Variants in SCAF8 observed in about 807,000 individuals in gnomAD.
SCAF8 encodes SR-related and CTD-associated factor 8.
Under a neutral mutation model 140.5 loss-of-function variants are expected in SCAF8, and 23 were observed. The observed-to-expected ratio is 0.16, with a 90% confidence interval of 0.12 to 0.23. SCAF8 has a LOEUF of 0.23. Among genes scored for constraint, SCAF8 ranks in the 10% least tolerant of loss-of-function variants. The pLI, the probability that SCAF8 is intolerant of heterozygous loss-of-function variation, is 1.00. For missense variants in SCAF8, 1,397 were observed against 1,555.7 expected, an observed-to-expected ratio of 0.90 and a Z score of 1.72; for synonymous variants, 575 against 528.9, an observed-to-expected ratio of 1.09 and a Z score of -1.20.
At chr6:154,830,662 T>G (rs1443731457) in intron 18 of SCAF8, among the ~76,000 whole-genome samples, 1 of 152,212 alleles carries the variant, frequency 6.6e-6, no homozygotes, top group East Asian at 1.9e-4. Flanking sequence ...TTACTAGAAT[T>G]TACTTTTTTT....
chr6:154,827,508 T>C (rs950420195), intron 18 of SCAF8, among the ~76,000 whole-genome samples: 2 of 152,190 alleles, frequency 1.3e-5, no homozygotes, highest in Admixed American at 6.5e-5. Context: ...GCTATGTGTA[T>C]TAAATGTCTT....
chr6:154,750,437 ATCC>A (rs1778810947), intron 1 of SCAF8, among the ~76,000 whole-genome samples: 1 of 151,934 alleles, frequency 6.6e-6, no homozygotes, highest in South Asian at 2.1e-4. Context: ...GAATCTTTTC[ATCC>A]TCAGGTTTGT....
Position 154,833,484 on chromosome 6 carries a change from T to C in SCAF8, c.*89T>C. On this transcript the variant is annotated 3_prime_UTR_variant, in exon 20 of 20. Coordinates refer to ENST00000367178, the MANE Select transcript of SCAF8 (RefSeq NM_014892.5). ...CTGACTGGACCATAGTTGTTCACTT[T>C]TGTCTGCCAGAATTAAGTTAATCTG... 1 of 1,274,328 alleles carries C rather than the reference T, an allele frequency of 7.8e-7. No individual in the cohort carries two copies. The highest frequency in any genetic ancestry group is 1.1e-6 in the Non-Finnish European group (1 of 919,164). The allele number at this position is 1,274,328 out of a possible 1,614,324, so 78.9% of individuals were successfully genotyped here.
rs781674884 is a variant in SCAF8 at position 154,827,194 on chromosome 6, C to G, written c.2094C>G (p.Pro698=). 1 of 1,603,432 alleles carries G rather than the reference C, an allele frequency of 6.2e-7. No homozygotes were observed. Among genetic ancestry groups the G allele is most frequent in the Non-Finnish European group, 8.5e-7 (1 of 1,175,924 alleles). ...PPPGFMPPPV[P]PPVVPPPTIP... The stretch of plus-strand genomic sequence containing the variant: ...TAGGTTTCATGCCGCCTCCAGTTCC[C>G]CCACCTGTTGTGCCACCCCCTACGA... The change falls in exon 18 of 20, where the codon CCC becomes CCG. Residue 698 remains proline (P), a synonymous_variant. Transcript: ENST00000367178.
intron 1 of SCAF8, among the ~76,000 whole-genome samples, chr6:154,752,712 A>G (rs1375054353): frequency 2.0e-5 from 3 of 152,228 alleles, no homozygotes; most frequent in African/African-American, 7.2e-5. Context: ...AATACAGACT[A>G]TAATGTATTT....
At chr6:154,796,315 A>G (rs1170887281) in intron 6 of SCAF8, among the ~76,000 whole-genome samples, 5 of 149,350 alleles carry the variant, frequency 3.3e-5, no homozygotes, top group African/African-American at 1.2e-4. Context: ...TTTTCTGATT[A>G]CTAGACTTCA....
chr6:154,749,578 G>A (rs1778790025), intron 1 of SCAF8, among the ~76,000 whole-genome samples: 1 of 152,180 alleles, frequency 6.6e-6, no homozygotes, highest in East Asian at 1.9e-4. Context: ...CCTATGTATA[G>A]TTTGTGTACA....
intron 1 of SCAF8, among the ~76,000 whole-genome samples, chr6:154,773,563 G>A (rs1776834258): frequency 6.6e-6 from 1 of 152,024 alleles, no homozygotes; most frequent in Non-Finnish European, 1.5e-5. Flanking sequence ...ACCCTCAGAC[G>A]GGAAAAAGTA....
chr6:154,796,381 C>CTG lies in SCAF8; in HGVS notation c.606+1243_606+1244insGT, dbSNP rs1330541472. Among the ~76,000 whole-genome samples, 211 of 106,896 alleles carry CTG rather than the reference C, an allele frequency of 2.0e-3. 4 individuals carry two copies. Among genetic ancestry groups the CTG allele is most frequent in the African/African-American group, 5.2e-3 (132 of 25,292 alleles). The allele number at this position is 106,896 out of a possible 152,430, so 70.1% of individuals were successfully genotyped here. ...TCTCTCTCTCTCTCTCTCTCTCTCT[C>CTG]TCTCTCTCTCTGTCTCTCTCTTTTT... On this transcript the variant is annotated intron_variant, in intron 6 of 19. Transcript: ENST00000367178.
intron 3 of SCAF8, among the ~76,000 whole-genome samples, chr6:154,781,816 T>C (rs935388773): frequency 6.6e-6 from 1 of 152,220 alleles, no homozygotes; most frequent in Non-Finnish European, 1.5e-5. Context: ...AGTGAGTACA[T>C]GTTTCCATTT....
intron 1 of SCAF8, among the ~76,000 whole-genome samples, chr6:154,767,613 C>T (rs1466437911): frequency 7.0e-6 from 1 of 142,696 alleles, no homozygotes; most frequent in African/African-American, 2.6e-5. Flanking sequence ...AGTCATAGCT[C>T]ACAGCAACCT....
chr6:154,779,428 C>T (rs1379881826), intron 3 of SCAF8, among the ~76,000 whole-genome samples: 2 of 152,014 alleles, frequency 1.3e-5, no homozygotes, highest in Non-Finnish European at 2.9e-5. Flanking sequence ...TCTAATTCAC[C>T]GAGTGTGGAG....
chr6:154,774,137 G>T (rs1293557792), intron 2 of SCAF8, 65 bp downstream of exon 2: 9 of 1,059,922 alleles, frequency 8.5e-6, no homozygotes, highest in Non-Finnish European at 1.3e-5. Flanking sequence ...TTGGATGGGG[G>T]ATAATTTTTT....
intron 2 of SCAF8, 56 bp downstream of exon 2, chr6:154,774,128 T>C: frequency 9.1e-7 from 1 of 1,097,506 alleles, no homozygotes; most frequent in South Asian, 1.3e-5. Context: ...ATTAATAGTT[T>C]GGATGGGGGA....
intron 13 of SCAF8, among the ~76,000 whole-genome samples, chr6:154,816,731 T>A (rs888280762): frequency 1.3e-5 from 2 of 152,220 alleles, no homozygotes; most frequent in East Asian, 3.9e-4. Context: ...CTTTCTAGTC[T>A]TAGTTCCCAG....
intron 13 of SCAF8, 112 bp downstream of exon 13, chr6:154,815,928 A>G (rs1011256545): frequency 1.8e-6 from 1 of 550,556 alleles, no homozygotes; most frequent in Non-Finnish European, 3.3e-6. Context: ...AATAATACAC[A>G]TCTTTAAAAG....
intron 7 of SCAF8, among the ~76,000 whole-genome samples, chr6:154,803,108 AAT>A (rs1777816551): frequency 6.6e-6 from 1 of 152,182 alleles, no homozygotes; most frequent in African/African-American, 2.4e-5. Flanking sequence ...TTCTAAGTCT[AAT>A]ATAGTCTAAC....
intron 5 of SCAF8, 67 bp downstream of exon 5, chr6:154,793,043 A>T: frequency 7.7e-7 from 1 of 1,294,484 alleles, no homozygotes; most frequent in Non-Finnish European, 1.0e-6. Flanking sequence ...GACTGTTCAT[A>T]TAAAAAATAA....
chr6:154,788,735 C>G (rs988730063), intron 4 of SCAF8, among the ~76,000 whole-genome samples: 3 of 152,128 alleles, frequency 2.0e-5, no homozygotes, highest in Non-Finnish European at 4.4e-5. Context: ...ACTACTAAGT[C>G]TGGTATGTGT....
Sources: allele counts gnomAD v4.1 joint callset (sites outside exome capture counted in the v4.1 genomes callset), GRCh38; gene constraint gnomAD v4.1.1; transcripts MANE v1.5; gene names NCBI Gene and HGNC (gene_info 2026-07-23, HGNC 2026-07-21).